Variants in COXFA4L3 observed in about 807,000 individuals in gnomAD.
The protein encoded by COXFA4L3 is MIR147B host.
At chr15:45,433,183 A>G in the COXFA4L3 span, 1 of 747,966 alleles carries the variant, frequency 1.3e-6, no homozygotes, top group Non-Finnish European at 2.5e-6. Context: ...TGCAGCAATA[A>G]CTGCACTGTC....
chr15:45,432,107 CT>C, the COXFA4L3 span: 1 of 1,613,636 alleles, frequency 6.2e-7, no homozygotes. Flanking sequence ...CCTTGGGAAA[CT>C]GTGGACCCTA....
chr15:45,433,022 C>T, the COXFA4L3 span: 13 of 1,611,780 alleles, frequency 8.1e-6, no homozygotes, highest in Non-Finnish European at 1.1e-5. Flanking sequence ...AATGACGAGC[C>T]CTCGCCTCTT....
At chr15:45,432,969 T>C in the COXFA4L3 span, 15 of 1,613,314 alleles carry the variant, frequency 9.3e-6, no homozygotes, top group African/African-American at 1.9e-4. Context: ...CAACCAACAA[T>C]GGAAACCCAT....
At chr15:45,432,270 AT>A in the COXFA4L3 span, 1 of 679,460 alleles carries the variant, frequency 1.5e-6, no homozygotes, top group Non-Finnish European at 2.5e-6. Context: ...AAATGAGGAA[AT>A]TTTAAGAGCC....
chr15:45,432,895 T>C, the COXFA4L3 span: 3 of 1,529,678 alleles, frequency 2.0e-6, no homozygotes, highest in Non-Finnish European at 2.7e-6. Flanking sequence ...GACATGCAAA[T>C]GAAAGTCAAA....
At chr15:45,430,686 CGCCGGCCCGCAGTTG>C in the COXFA4L3 span, 8 of 1,002,794 alleles carry the variant, frequency 8.0e-6, no homozygotes, top group Admixed American at 2.5e-5. Context: ...GACGCGGACG[CGCCGGCCCGCAGTTG>C]GCCTGCGGAG....
At chr15:45,430,761 A>G in the COXFA4L3 span, 1 of 1,601,512 alleles carries the variant, frequency 6.2e-7, no homozygotes, top group Non-Finnish European at 8.5e-7. Context: ...TTGGATTTTT[A>G]ATTTCTAGAT....
chr15:45,432,986 G>A, the COXFA4L3 span: 1 of 1,613,736 alleles, frequency 6.2e-7, no homozygotes. Context: ...CCATTGAAGA[G>A]TTGCAAAATG....
At chr15:45,432,262 A>G in the COXFA4L3 span, 1 of 730,278 alleles carries the variant, frequency 1.4e-6, no homozygotes, top group Non-Finnish European at 2.2e-6. Context: ...AGTAATTAAA[A>G]TGAGGAAATT....
At chr15:45,431,486 T>A in the COXFA4L3 span, among the ~76,000 whole-genome samples, 1 of 152,160 alleles carries the variant, frequency 6.6e-6, no homozygotes, top group Middle Eastern at 3.2e-3. Flanking sequence ...AATTAAAATT[T>A]TAAATTTTAG....
the COXFA4L3 span, chr15:45,432,930 T>C: frequency 6.3e-7 from 1 of 1,587,352 alleles, no homozygotes; most frequent in East Asian, 2.2e-5. Flanking sequence ...TTTTTTTTTT[T>C]TCCTTTTTTC....
chr15:45,430,799 G>A, the COXFA4L3 span: 2 of 1,612,062 alleles, frequency 1.2e-6, no homozygotes, highest in Non-Finnish European at 8.5e-7. Flanking sequence ...AAGTCATCAT[G>A]AGCTTTTTCC....
chr15:45,432,052 T>C, the COXFA4L3 span: 3 of 1,610,006 alleles, frequency 1.9e-6, no homozygotes, highest in Non-Finnish European at 2.5e-6. Flanking sequence ...TAATGTTTAA[T>C]TGGCTTTCTT....
the COXFA4L3 span, chr15:45,430,973 T>A: frequency 6.2e-7 from 1 of 1,608,018 alleles, no homozygotes; most frequent in South Asian, 1.1e-5. Context: ...AGTGTCCAAA[T>A]GTGTCCCCTC....
chr15:45,430,802 C>T, the COXFA4L3 span: 2 of 1,611,910 alleles, frequency 1.2e-6, no homozygotes, highest in Non-Finnish European at 1.7e-6. Context: ...TCATCATGAG[C>T]TTTTTCCAAC....
the COXFA4L3 span, chr15:45,431,282 G>GAA: frequency 1.4e-4 from 52 of 361,150 alleles, no homozygotes; most frequent in Middle Eastern, 7.0e-4. Flanking sequence ...ATGAAAATTA[G>GAA]AAAAAAAAAA....
chr15:45,432,291 C>T, the COXFA4L3 span, among the ~76,000 whole-genome samples: 1 of 152,200 alleles, frequency 6.6e-6, no homozygotes, highest in African/African-American at 2.4e-5. Context: ...CTACTCTATG[C>T]CAGGAGCATT....
the COXFA4L3 span, chr15:45,432,945 C>G: frequency 6.3e-7 from 1 of 1,590,782 alleles, no homozygotes; most frequent in Non-Finnish European, 8.5e-7. Context: ...TTTTTCTCTT[C>G]AGCTTATAAC....
the COXFA4L3 span, chr15:45,433,113 TCTG>T: frequency 8.0e-7 from 1 of 1,251,690 alleles, no homozygotes. Context: ...CGGAAATGCT[TCTG>T]CTACATTTTT....
Sources: allele counts gnomAD v4.1 joint callset (sites outside exome capture counted in the v4.1 genomes callset), GRCh38; gene constraint gnomAD v4.1.1; transcripts MANE v1.5; gene names NCBI Gene and HGNC (gene_info 2026-07-23, HGNC 2026-07-21).